The following RAB5A variants were observed in gnomAD, a reference collection of about 807,000 sequenced individuals.
RAB5A encodes RAB5A, member RAS oncogene family.
A neutral mutation model predicts 25.7 loss-of-function variants in RAB5A; 8 were observed. The observed-to-expected ratio is 0.31, with a 90% CI of 0.18 to 0.56. The LOEUF is 0.56. Among genes scored for constraint, RAB5A ranks in the 20% least tolerant of loss-of-function variants. RAB5A has a pLI of 0.91. For missense variants in RAB5A, 192 were observed against 259.7 expected, an observed-to-expected ratio of 0.74 and a Z score of 1.79; for synonymous variants, 98 against 89.8, an observed-to-expected ratio of 1.09 and a Z score of -0.52.
chr3:19,952,786 TTTG>T (rs778331684), intron 2 of RAB5A, among the ~76,000 whole-genome samples: 2 of 152,062 alleles, frequency 1.3e-5, no homozygotes, highest in African/African-American at 4.8e-5. Flanking sequence ...CACGTGTGAT[TTTG>T]TTGTTGTTGT....
Position 19,959,176 on chromosome 3 carries a change from C to T in RAB5A, c.163+8115C>T, listed in dbSNP as rs77841177. ...ATTTTGCCAAATAGCTCTTAGTGAA[C>T]TGCTACTGATTCACTAATTTACTGC... On this transcript the variant is annotated intron_variant, in intron 2 of 5. Transcript: ENST00000273047. 6.5e-3 allele frequency among the ~76,000 whole-genome samples: 983 copies of T among 152,216 alleles called. 7 individuals carry two copies. The highest frequency in any genetic ancestry group is 0.022 in the African/African-American group (910 of 41,550).
intron 5 of RAB5A, among the ~76,000 whole-genome samples, chr3:19,980,445 A>ATTT (rs11441052): frequency 2.0e-5 from 3 of 148,082 alleles, no homozygotes; most frequent in African/African-American, 5.0e-5. Flanking sequence ...AGGTTAGTAA[A>ATTT]TTTTTTTTTC....
At chr3:19,976,201 AC>A in intron 4 of RAB5A, 32 bp downstream of exon 4, 1 of 1,586,172 alleles carries the variant, frequency 6.3e-7, no homozygotes, top group Non-Finnish European at 8.6e-7. Flanking sequence ...TTTGAAAGGC[AC>A]TTTTTTCCTG....
intron 2 of RAB5A, among the ~76,000 whole-genome samples, chr3:19,951,649 A>T (rs1696423754): frequency 6.7e-6 from 1 of 149,474 alleles, no homozygotes; most frequent in Non-Finnish European, 1.5e-5. Flanking sequence ...TTCTTGCCTT[A>T]GCCTCCCACC....
At chr3:19,980,070 A>AAACTCAAGTT (rs1177779947) in intron 5 of RAB5A, 1 of 152,200 alleles carries the variant, frequency 6.6e-6, no homozygotes, top group Non-Finnish European at 1.5e-5. Flanking sequence ...TTTTCCTGAA[A>AAACTCAAGTT]AACTCAAGTT....
At chr3:19,982,065 G>T (rs1696939297) in intron 5 of RAB5A, among the ~76,000 whole-genome samples, 1 of 151,426 alleles carries the variant, frequency 6.6e-6, no homozygotes, top group Non-Finnish European at 1.5e-5. Flanking sequence ...AACAGAGCAA[G>T]ACCCTATCTC....
chr3:19,981,152 A>G (rs1383470259), intron 5 of RAB5A, among the ~76,000 whole-genome samples: 1 of 152,226 alleles, frequency 6.6e-6, no homozygotes, highest in Non-Finnish European at 1.5e-5. Flanking sequence ...AAATGAATTT[A>G]GCACATCAAG....
chr3:19,961,133 G>T (rs1016104988), intron 2 of RAB5A, among the ~76,000 whole-genome samples: 4 of 152,138 alleles, frequency 2.6e-5, no homozygotes, highest in African/African-American at 9.7e-5. Context: ...ATAATTTAAA[G>T]ATAGGACACT....
At chr3:19,969,036 T>TTG (rs1365384410) in intron 2 of RAB5A, among the ~76,000 whole-genome samples, 1 of 74,326 alleles carries the variant, frequency 1.3e-5, no homozygotes, top group Non-Finnish European at 2.4e-5. Flanking sequence ...TTTTGGTTTT[T>TTG]TTTTTTTGGT....
chr3:19,950,753 A>G, intron 1 of RAB5A, 53 bp from the exon 2 acceptor site: 1 of 724,738 alleles, frequency 1.4e-6, no homozygotes, highest in Admixed American at 3.0e-5. Flanking sequence ...AGTGATTAAT[A>G]GTAAATTTGC....
chr3:19,983,881 G>A lies in RAB5A; in HGVS notation c.*58G>A, dbSNP rs1696981151. 1 of 1,209,084 alleles carries A rather than the reference G, an allele frequency of 8.3e-7. No individual in the cohort carries two copies. Among genetic ancestry groups the A allele is most frequent in the Non-Finnish European group, 1.2e-6 (1 of 837,044 alleles). 74.9% of individuals were successfully genotyped at this position (1,209,084 alleles called of 1,614,324 possible). A position where few individuals can be genotyped will look rare whatever the true frequency, so the allele number is the denominator to read the frequency against. ...TGCTTCCTAAATGTTAATAACAATG[G>A]AATTGGAGCATTTAACCAGCCCAGT... On this transcript the variant is annotated 3_prime_UTR_variant, in exon 6 of 6. Coordinates refer to ENST00000273047, the MANE Select transcript of RAB5A (RefSeq NM_004162.5).
At chr3:19,959,648 G>A (rs1472433306) in intron 2 of RAB5A, among the ~76,000 whole-genome samples, 2 of 130,922 alleles carry the variant, frequency 1.5e-5, no homozygotes, top group East Asian at 4.1e-4. Context: ...TTTTTTTTGA[G>A]GCAGGGTCTT....
rs1696976185 is a variant in RAB5A, at chr3:19,983,650, G to A, written c.533-58G>A. 7.8e-6 allele frequency: 9 copies of A among 1,148,462 alleles called. 1 individual carries two copies. The highest frequency in any genetic ancestry group is 5.3e-5 in the South Asian group (4 of 75,980). 71.1% of individuals were successfully genotyped at this position (1,148,462 alleles called of 1,614,324 possible). On this transcript the variant is annotated intron_variant, in intron 5 of 5. Transcript: ENST00000273047. ...AAAGAAAAATTATAGATAAGCAGGT[G>A]AAACTGATATTAATATGAGTATTCA...
At chr3:19,948,496 A>G (rs760794347) in intron 1 of RAB5A, among the ~76,000 whole-genome samples, 2 of 152,242 alleles carry the variant, frequency 1.3e-5, no homozygotes, top group Non-Finnish European at 1.5e-5. Flanking sequence ...GATTTTAACT[A>G]TAGAATGAAT....
intron 2 of RAB5A, among the ~76,000 whole-genome samples, chr3:19,957,654 C>G (rs1696523608): frequency 6.6e-6 from 1 of 151,612 alleles, no homozygotes; most frequent in Non-Finnish European, 1.5e-5. Context: ...CAGAGTGAGA[C>G]TCTGTCGCGG....
chr3:19,964,030 TG>T (rs1244140122), intron 2 of RAB5A, among the ~76,000 whole-genome samples: 1 of 152,204 alleles, frequency 6.6e-6, no homozygotes, highest in Non-Finnish European at 1.5e-5. Flanking sequence ...TTTAAAGGTC[TG>T]GAAGATTCTC....
chr3:19,958,845 A>G (rs1372885307), intron 2 of RAB5A, among the ~76,000 whole-genome samples: 1 of 152,140 alleles, frequency 6.6e-6, no homozygotes, highest in Non-Finnish European at 1.5e-5. Flanking sequence ...AGACTGAGAC[A>G]TGAGAATTGC....
At chr3:19,979,196 CG>C (rs1696875361) in intron 5 of RAB5A, among the ~76,000 whole-genome samples, 1 of 151,762 alleles carries the variant, frequency 6.6e-6, no homozygotes, top group South Asian at 2.1e-4. Flanking sequence ...AGGCTGGTCT[CG>C]AACTCCTGAT....
At chr3:19,982,124 G>A (rs1033283495) in intron 5 of RAB5A, among the ~76,000 whole-genome samples, 1 of 151,718 alleles carries the variant, frequency 6.6e-6, no homozygotes, top group Non-Finnish European at 1.5e-5. Context: ...TGTAGTCTCA[G>A]CTACTTGGAA....
Sources: allele counts gnomAD v4.1 joint callset (sites outside exome capture counted in the v4.1 genomes callset), GRCh38; gene constraint gnomAD v4.1.1; transcripts MANE v1.5; gene names NCBI Gene and HGNC (gene_info 2026-07-23, HGNC 2026-07-21).